The following MGAM variants were observed in gnomAD, a reference collection of about 807,000 sequenced individuals.
MGAM encodes the protein alpha-1,4-glucosidase.
MGAM carries 253 observed loss-of-function variants against 358.8 expected under a neutral mutation model. That is an observed-to-expected ratio of 0.71 (90% CI 0.64 to 0.78). MGAM has a LOEUF of 0.78. Among genes scored for constraint, MGAM ranks in the 30% least tolerant of loss-of-function variants. MGAM has a pLI of 0.00. For missense variants in MGAM, 3,080 were observed against 3,432.6 expected (o/e 0.90, Z 2.57); for synonymous variants, 1,105 against 1,227.1 (o/e 0.90, Z 2.08).
chr7:142,019,639 G>A (rs1484993816), intron 4 of MGAM, among the ~76,000 whole-genome samples: 1 of 152,192 alleles, frequency 6.6e-6, no homozygotes, highest in East Asian at 1.9e-4. Context: ...TAACCTCTCA[G>A]ACTACTTCCA....
In MGAM at chr7:142,088,996, G is replaced by GTATGTATATATC. The variant is rs771119657; in HGVS notation, c.6810+2282_6810+2283insGTATATATCTAT. ...TGTATGTATGTATGTATGTATGTAT[G>GTATGTATATATC]TATCTATCTATCTATCTATCTATCT... On this transcript the variant is annotated intron_variant, in intron 57 of 70. Transcript: ENST00000475668. 3.5e-3 allele frequency among the ~76,000 whole-genome samples: 417 copies of GTATGTATATATC among 118,044 alleles called. 11 individuals are homozygous for GTATGTATATATC. Among genetic ancestry groups the GTATGTATATATC allele is most frequent in the African/African-American group, 0.011 (395 of 34,590 alleles). The allele number at this position is 118,044 out of a possible 152,430, so 77.4% of individuals were successfully genotyped here.
chr7:142,079,325 A>G lies in MGAM; in HGVS notation c.5847+317A>G, dbSNP rs1449064810. ...ACTAAATACTGGAATGAAGGTGGAGAACAGTGCACCTAGTTGAGATTCAGG... is the reference window on the plus strand; with the variant it reads ...ACTAAATACTGGAATGAAGGTGGAGGACAGTGCACCTAGTTGAGATTCAGG... On this transcript the variant is annotated intron_variant, in intron 49 of 70. Coordinates refer to ENST00000475668, the MANE Select transcript of MGAM (RefSeq NM_001365693.1). Among the ~76,000 whole-genome samples, 2 of 145,474 alleles carry G rather than the reference A, an allele frequency of 1.4e-5. 1 individual carries two copies. The highest frequency in any genetic ancestry group is 3.1e-5 in the Non-Finnish European group (2 of 64,296).
intron 45 of MGAM, among the ~76,000 whole-genome samples, chr7:142,074,810 T>C (rs752247698): frequency 1.4e-5 from 2 of 146,436 alleles, no homozygotes; most frequent in Non-Finnish European, 3.1e-5. Flanking sequence ...TAGTCAAATA[T>C]TTTGTTGGCA....
rs1807843198 is a variant in MGAM at position 142,034,860 on chromosome 7, C to A, written c.1959+19C>A. 6.2e-7 allele frequency: 1 copy of A among 1,602,630 alleles called. No homozygotes were observed. Among genetic ancestry groups the A allele is most frequent in the South Asian group, 1.1e-5 (1 of 90,020 alleles). Reference sequence around the variant, plus strand: ...CCCAATGGTGAGCTGCTACCTCAAGCTCTCTTATGAACCTGAATTCCCAGG... The same window carrying A: ...CCCAATGGTGAGCTGCTACCTCAAGATCTCTTATGAACCTGAATTCCCAGG... On this transcript the variant is annotated intron_variant, in intron 16 of 70. Coordinates refer to ENST00000475668, the MANE Select transcript of MGAM (RefSeq NM_001365693.1).
chr7:142,076,674 A>G lies in MGAM; in HGVS notation c.5341A>G (p.Thr1781Ala), dbSNP rs558131195. 2.6e-4 allele frequency: 409 copies of G among 1,546,802 alleles called. 16 individuals carry two copies. In the African/African-American group the frequency reaches 5.0e-3, roughly 19 times the overall value. Residue 1781 changes from threonine (T) to alanine (A), a missense_variant, in exon 47 of 71, where the codon ACT becomes GCT. Physicochemically the swap from Thr to Ala is moderately conservative, Grantham distance 58. Coordinates refer to ENST00000475668, the MANE Select transcript of MGAM (RefSeq NM_001365693.1). The part of the protein sequence containing the change: ...FSVTQNHLEV[T>A]ISQSTYKDPN... ...TGTTTTGCAGAACCACTTGGAGGTG[A>G]CTATTTCACAATCAACCTACAAGGA...
rs771435947 is a variant in MGAM at position 142,067,368 on chromosome 7, C to A, written c.4947C>A (p.Asp1649Glu). Residue 1649 changes from aspartate to glutamate, a missense_variant, in exon 42 of 71, where the codon GAC (aspartate) becomes GAA (glutamate). Asp to Glu is a conservative substitution (Grantham distance 45). This residue lies in a region of MGAM where 4 missense variants were observed against 22.7 expected (regional missense o/e 0.18). Transcript: ENST00000475668. ...TTGTGTCAGACCAGGTGACATGGGACATAGACAGTCAGTTCCTGCTGGGCC... is the reference window on the plus strand; with the variant it reads ...TTGTGTCAGACCAGGTGACATGGGAAATAGACAGTCAGTTCCTGCTGGGCC... ...HEFVSDQVTWDIDSQFLLGPA... is the reference protein window; with the variant it reads ...HEFVSDQVTWEIDSQFLLGPA... 11 of 1,550,336 alleles carry A rather than the reference C, an allele frequency of 7.1e-6. 3 individuals carry two copies. In the South Asian group the frequency reaches 1.2e-4, roughly 17 times the overall value.
intron 3 of MGAM, among the ~76,000 whole-genome samples, chr7:142,016,572 C>T (rs924490449): frequency 2.0e-5 from 3 of 152,000 alleles, no homozygotes; most frequent in Non-Finnish European, 4.4e-5. Context: ...AGTCTATTTG[C>T]CTGATATTAG....
In MGAM at chr7:142,085,770, G is replaced by A. The variant is rs1299694331; in HGVS notation, c.6508-63G>A. The A allele has an allele frequency of 2.7e-6, 4 of 1,501,982 alleles. 1 individual carries two copies. The African/African-American group carries it at 4.1e-5, about 15-fold the overall frequency. 93.0% of individuals were successfully genotyped at this position (1,501,982 alleles called of 1,614,324 possible). On this transcript the variant is annotated intron_variant, in intron 54 of 70. Coordinates refer to ENST00000475668, the MANE Select transcript of MGAM (RefSeq NM_001365693.1). ...ATTCCACCATGGGTGGTGGAGGCTT[G>A]TTCTCCTATAAAGCTTGGGCGTGTA...
At chr7:142,088,133 C>T (rs2129056389) in intron 57 of MGAM, among the ~76,000 whole-genome samples, 1 of 146,454 alleles carries the variant, frequency 6.8e-6, no homozygotes, top group South Asian at 2.2e-4. Flanking sequence ...ACAGATGGTA[C>T]TGCAAACACG....
intron 1 of MGAM, 149 bp from the exon 2 acceptor site, chr7:142,005,380 T>C (rs1554451993): frequency 1.1e-5 from 6 of 557,064 alleles, no homozygotes; most frequent in Non-Finnish European, 1.5e-5. Flanking sequence ...GAATTGGCCA[T>C]GAGCTGATAA....
intron 36 of MGAM, 137 bp from the exon 37 acceptor site, chr7:142,064,247 C>G (rs28645759): frequency 0.092 from 121,301 of 1,313,142 alleles, 9,192 homozygotes; most frequent in East Asian, 0.34. Flanking sequence ...GCGCTGTGCT[C>G]ATGTCTCTGG....
intron 3 of MGAM, among the ~76,000 whole-genome samples, chr7:142,011,473 T>TTTTTTTTTTTTTTTTTTTTTTTTTTTGAG (rs1805589135): frequency 6.6e-6 from 1 of 152,070 alleles, no homozygotes; most frequent in South Asian, 2.1e-4. Context: ...CTTAAAGTCT[T>TTTTTTTTTTTTTTTTTTTTTTTTTTTGAG]AAAAGACTTA....
intron 21 of MGAM, among the ~76,000 whole-genome samples, chr7:142,044,785 A>T (rs1809813919): frequency 1.2e-5 from 1 of 84,876 alleles, no homozygotes; most frequent in East Asian, 2.7e-4. Context: ...TACACGTGTA[A>T]TATATGATAT....
At chr7:142,049,812 A>C in intron 22 of MGAM, among the ~76,000 whole-genome samples, 1 of 152,316 alleles carries the variant, frequency 6.6e-6, no homozygotes, top group Middle Eastern at 3.4e-3. Flanking sequence ...GCTGGCGAGG[A>C]TGTGGAGAAA....
At chr7:142,031,561 A>C in intron 12 of MGAM, 119 bp from the exon 13 acceptor site, 1 of 635,258 alleles carries the variant, frequency 1.6e-6, no homozygotes. Flanking sequence ...ACTAAAAAGG[A>C]TATGTTCCTG....
chr7:142,010,565 T>C (rs1371298230), intron 3 of MGAM, among the ~76,000 whole-genome samples: 2 of 152,148 alleles, frequency 1.3e-5, no homozygotes, highest in African/African-American at 2.4e-5. Context: ...TAGATCATCA[T>C]TTCCTCATGC....
intron 45 of MGAM, 90 bp downstream of exon 45, chr7:142,074,263 A>G: frequency 2.1e-6 from 2 of 952,156 alleles, no homozygotes; most frequent in Non-Finnish European, 3.2e-6. Flanking sequence ...GCTGTGGGAG[A>G]AATCTCAGCA....
intron 46 of MGAM, 181 bp downstream of exon 46, chr7:142,076,433 G>C (rs1198849460): frequency 4.6e-6 from 4 of 869,536 alleles, no homozygotes; most frequent in Non-Finnish European, 5.7e-6. Flanking sequence ...ATAGCAAGTA[G>C]TGTTTCTAAA....
intron 59 of MGAM, 84 bp downstream of exon 59, chr7:142,092,692 G>T: frequency 1.1e-5 from 14 of 1,235,338 alleles, no homozygotes; most frequent in Non-Finnish European, 1.5e-5. Flanking sequence ...AGGGGTGGCC[G>T]CACAGCTCAG....
Sources: allele counts gnomAD v4.1 joint callset (sites outside exome capture counted in the v4.1 genomes callset), GRCh38; gene constraint gnomAD v4.1.1; regional missense constraint gnomAD v4.1.1; transcripts MANE v1.5; gene names NCBI Gene and HGNC (gene_info 2026-07-23, HGNC 2026-07-21).